The following KCNN2 variants were observed in gnomAD, a reference collection of about 807,000 sequenced individuals.
KCNN2 encodes small conductance calcium-activated potassium channel protein 2.
KCNN2 carries 24 observed loss-of-function variants against 55.5 expected under a neutral mutation model. That is an observed-to-expected ratio of 0.43 (90% confidence interval 0.31 to 0.61). The LOEUF (loss-of-function observed/expected upper bound fraction) is 0.61, where lower values mean the gene tolerates loss of function less well. Among genes scored for constraint, KCNN2 ranks in the 20% least tolerant of loss-of-function variants. The pLI is 0.08. For missense variants in KCNN2, 754 were observed against 853.6 expected, an observed-to-expected ratio of 0.88 and a Z score of 1.45; for synonymous variants, 431 against 336.1, an observed-to-expected ratio of 1.28 and a Z score of -3.09.
At chr5:114,433,552 T>C (rs1759879567) in intron 3 of KCNN2, 1 of 152,410 alleles carries the variant, frequency 6.6e-6, no homozygotes, top group African/African-American at 2.4e-5. Flanking sequence ...GGAAGCTTTG[T>C]TCTTTCGCTC....
intron 1 of KCNN2, among the ~76,000 whole-genome samples, chr5:114,202,115 G>T (rs1017585098): frequency 6.6e-5 from 10 of 152,090 alleles, no homozygotes; most frequent in Non-Finnish European, 1.0e-4. Context: ...AGCAGCTGCA[G>T]CCCTGTCTGT....
chr5:114,131,548 T>A (rs946307254), intron 1 of KCNN2, among the ~76,000 whole-genome samples: 2 of 152,240 alleles, frequency 1.3e-5, no homozygotes, highest in African/African-American at 4.8e-5. Flanking sequence ...TTATTTGGAT[T>A]GATTCCATGT....
chr5:114,291,060 T>C (rs1370978021), intron 2 of KCNN2, among the ~76,000 whole-genome samples: 1 of 152,094 alleles, frequency 6.6e-6, no homozygotes, highest in Non-Finnish European at 1.5e-5. Flanking sequence ...AGAATTGTGT[T>C]TTTGTGCATG....
At chr5:114,209,295 A>G (rs1422221025) in intron 1 of KCNN2, among the ~76,000 whole-genome samples, 2 of 151,670 alleles carry the variant, frequency 1.3e-5, no homozygotes, top group Non-Finnish European at 2.9e-5. Flanking sequence ...CTTCTTCCTC[A>G]TGTCTCCCTT....
At chr5:114,154,429 C>T (rs1172745904) in intron 1 of KCNN2, among the ~76,000 whole-genome samples, 2 of 152,000 alleles carry the variant, frequency 1.3e-5, no homozygotes, top group African/African-American at 2.4e-5. Context: ...GTGGGTGGCA[C>T]TAGAGGAACA....
chr5:114,280,876 C>G (rs982545290), intron 2 of KCNN2, among the ~76,000 whole-genome samples: 1 of 152,098 alleles, frequency 6.6e-6, no homozygotes, highest in South Asian at 2.1e-4. Flanking sequence ...GACTCTCCAG[C>G]CTTGTTTCCT....
chr5:114,071,640 C>T (rs1240839226), intron 1 of KCNN2, among the ~76,000 whole-genome samples: 1 of 152,128 alleles, frequency 6.6e-6, no homozygotes, highest in Admixed American at 6.5e-5. Flanking sequence ...ATATATGTAT[C>T]ACATTTTAGG....
intron 3 of KCNN2, among the ~76,000 whole-genome samples, chr5:114,458,469 T>A (rs1327165455): frequency 2.0e-5 from 3 of 152,208 alleles, no homozygotes; most frequent in Admixed American, 2.0e-4. Flanking sequence ...ATGTGTATAA[T>A]CCTAAAAATC....
intron 1 of KCNN2, among the ~76,000 whole-genome samples, chr5:114,153,491 C>CA (rs369167442): frequency 6.5e-4 from 98 of 150,550 alleles, no homozygotes; most frequent in Middle Eastern, 6.8e-3. Context: ...TGGTCAGAGA[C>CA]AAAAAAAAAC....
intron 1 of KCNN2, among the ~76,000 whole-genome samples, chr5:114,152,358 G>C (rs574660344): frequency 4.6e-5 from 7 of 152,218 alleles, no homozygotes; most frequent in Non-Finnish European, 7.4e-5. Context: ...GAAAATACTT[G>C]TTTGGATATT....
At chr5:114,289,543 A>G (rs1264040209) in intron 2 of KCNN2, among the ~76,000 whole-genome samples, 1 of 151,856 alleles carries the variant, frequency 6.6e-6, no homozygotes, top group Non-Finnish European at 1.5e-5. Context: ...TGCCTGGGTA[A>G]CTTTTGTATT....
chr5:114,483,347 T>C (rs1312263864), intron 5 of KCNN2, among the ~76,000 whole-genome samples: 2 of 147,494 alleles, frequency 1.4e-5, no homozygotes, highest in African/African-American at 5.0e-5. Flanking sequence ...TGATCTCGGC[T>C]CACTGCAACC....
At position 114,495,969 on chromosome 5, in the gene KCNN2, C is replaced by T; in HGVS notation, c.2163C>T (p.Thr721=). The change falls in exon 8 of 8, where the codon ACC becomes ACT. Residue 721 remains threonine, a synonymous_variant. Coordinates refer to ENST00000673685, the MANE Select transcript of KCNN2 (RefSeq NM_021614.4). The part of the protein sequence containing the change: ...RSEDFEKRIV[T]LETKLETLIG... The stretch of plus-strand genomic sequence containing the variant: ...AAGACTTCGAGAAGAGGATTGTTAC[C>T]CTGGAAACAAAACTAGAGACTTTGA... 1 of 1,613,982 alleles carries T rather than the reference C, an allele frequency of 6.2e-7. No individual in the cohort carries two copies. Among genetic ancestry groups the T allele is most frequent in the South Asian group, 1.1e-5 (1 of 91,068 alleles).
At chr5:114,207,281 G>A (rs952814922) in intron 1 of KCNN2, among the ~76,000 whole-genome samples, 2 of 152,122 alleles carry the variant, frequency 1.3e-5, no homozygotes, top group Non-Finnish European at 2.9e-5. Context: ...AGAGAAAATA[G>A]GTTCCCAGTG....
chr5:114,217,826 G>A (rs1164864151), intron 1 of KCNN2, among the ~76,000 whole-genome samples: 1 of 151,872 alleles, frequency 6.6e-6, no homozygotes, highest in Non-Finnish European at 1.5e-5. Flanking sequence ...AGCCCAGACT[G>A]GAAAAAACAT....
chr5:114,190,829 G>T (rs1753435389), intron 1 of KCNN2, among the ~76,000 whole-genome samples: 2 of 152,110 alleles, frequency 1.3e-5, no homozygotes, highest in African/African-American at 4.8e-5. Flanking sequence ...AATAGCTATG[G>T]TACTTCTAAA....
intron 2 of KCNN2, among the ~76,000 whole-genome samples, chr5:114,268,544 G>A (rs1309263733): frequency 6.6e-6 from 1 of 152,136 alleles, no homozygotes; most frequent in Non-Finnish European, 1.5e-5. Context: ...TCCATAGGAG[G>A]GGTCAGGGCT....
intron 4 of KCNN2, among the ~76,000 whole-genome samples, chr5:114,468,941 T>G (rs576699621): frequency 4.6e-5 from 7 of 152,280 alleles, no homozygotes; most frequent in Admixed American, 4.6e-4. Flanking sequence ...ACATTTTAAT[T>G]TTTCAAATAT....
intron 3 of KCNN2, among the ~76,000 whole-genome samples, chr5:114,450,799 C>T (rs1760639213): frequency 6.6e-6 from 1 of 152,156 alleles, no homozygotes; most frequent in Non-Finnish European, 1.5e-5. Flanking sequence ...TGCTGTGTAT[C>T]TGTTACGCAT....
Sources: allele counts gnomAD v4.1 joint callset (sites outside exome capture counted in the v4.1 genomes callset), GRCh38; gene constraint gnomAD v4.1.1; transcripts MANE v1.5; gene names NCBI Gene and HGNC (gene_info 2026-07-23, HGNC 2026-07-21).